The following SH3KBP1 variants were observed in gnomAD, a reference collection of about 807,000 sequenced individuals.
SH3KBP1 encodes SH3 domain containing kinase binding protein 1, also known as SH3 domain-containing kinase-binding protein 1.
Under a neutral mutation model 50.1 loss-of-function variants are expected in SH3KBP1, and 8 were observed. That is an observed-to-expected ratio of 0.16 (90% CI 0.09 to 0.29). SH3KBP1 has a LOEUF of 0.29. SH3KBP1 is among the 10% of genes least tolerant of loss of function. The pLI, the probability that SH3KBP1 is intolerant of heterozygous loss-of-function variation, is 1.00. For missense variants in SH3KBP1, 377 were observed against 535.2 expected (o/e 0.70, Z 2.92); for synonymous variants, 227 against 218.6 (o/e 1.04, Z -0.34).
intron 2 of SH3KBP1, among the ~76,000 whole-genome samples, chrX:19,833,932 C>A (rs1024609540): frequency 9.0e-6 from 1 of 111,614 alleles, no homozygotes; most frequent in African/African-American, 3.3e-5. Context: ...CTGTGGTGGC[C>A]CAGATGCAGC....
chrX:19,569,699 G>T (rs2065949326), intron 12 of SH3KBP1, among the ~76,000 whole-genome samples: 1 of 111,944 alleles, frequency 8.9e-6, no homozygotes, highest in African/African-American at 3.2e-5. Context: ...CCTGAATGCT[G>T]GTGCTGGGGC....
intron 12 of SH3KBP1, among the ~76,000 whole-genome samples, chrX:19,576,412 T>C (rs1214987625): frequency 9.0e-6 from 1 of 110,513 alleles, no homozygotes; most frequent in African/African-American, 3.3e-5. Flanking sequence ...ATGCCTACCA[T>C]GTGCCAGGCA....
At position 19,706,978 on chromosome X, in the gene SH3KBP1, C is replaced by T. The variant is rs1454981152; in HGVS notation, c.293G>A (p.Arg98Gln). ...TILRTNKRGE[R>Q]RRRRCQVAFS... ...TGCCACCTGGCACCGGCGCCTCCGT[C>T]GCTCGCCTGGATGGGAAAAGCAAAA... Residue 98 changes from arginine to glutamine, a missense_variant, in exon 4 of 18, where the codon CGA becomes CAA. Physicochemically the swap from Arg to Gln is conservative, Grantham distance 43. This residue lies in a region of SH3KBP1 where 257 missense variants were observed against 374.2 expected (regional missense o/e 0.69). Coordinates refer to ENST00000397821, the MANE Select transcript of SH3KBP1 (RefSeq NM_031892.3). 4.1e-6 allele frequency: 5 copies of T among 1,207,477 alleles called. No individual in the cohort carries two copies. The highest frequency in any genetic ancestry group is 3.0e-5 in the East Asian group (1 of 33,818).
At chrX:19,698,404 C>T (rs747296446) in intron 4 of SH3KBP1, among the ~76,000 whole-genome samples, 14 of 112,304 alleles carry the variant, frequency 1.2e-4, no homozygotes, top group African/African-American at 4.5e-4. Flanking sequence ...AGGCTGTCTG[C>T]TGGGAAAACA....
intron 1 of SH3KBP1, among the ~76,000 whole-genome samples, chrX:19,856,430 C>T (rs2068644554): frequency 9.0e-6 from 1 of 111,502 alleles, no homozygotes; most frequent in South Asian, 3.7e-4. Context: ...AAATGATAAA[C>T]GGGCCTCAGA....
chrX:19,666,155 C>T (rs1220878983), intron 6 of SH3KBP1, among the ~76,000 whole-genome samples: 5 of 107,527 alleles, frequency 4.6e-5, no homozygotes, highest in African/African-American at 6.7e-5. Context: ...TCATTTTCTA[C>T]CCCTAAGGAA....
intron 2 of SH3KBP1, among the ~76,000 whole-genome samples, chrX:19,788,118 T>C (rs917115314): frequency 9.2e-6 from 1 of 109,234 alleles, no homozygotes; most frequent in Non-Finnish European, 1.9e-5. Context: ...AAAGGAGAAC[T>C]TTGGGATGGG....
At chrX:19,816,372 T>G (rs1295152788) in intron 2 of SH3KBP1, among the ~76,000 whole-genome samples, 1 of 112,433 alleles carries the variant, frequency 8.9e-6, no homozygotes, top group Non-Finnish European at 1.9e-5. Context: ...GGTTTCTTAC[T>G]GTTGCATTTT....
chrX:19,628,149 C>G (rs1226508912), intron 8 of SH3KBP1, among the ~76,000 whole-genome samples: 2 of 112,116 alleles, frequency 1.8e-5, no homozygotes, highest in Non-Finnish European at 3.8e-5. Flanking sequence ...TTTCCAAATT[C>G]TTGCTAAAAT....
chrX:19,801,618 G>A (rs2066894619), intron 2 of SH3KBP1, among the ~76,000 whole-genome samples: 1 of 112,085 alleles, frequency 8.9e-6, no homozygotes, highest in South Asian at 3.7e-4. Context: ...GAAATGGAGA[G>A]TGACTGCAAA....
At position 19,556,290 on chromosome X, in the gene SH3KBP1, CT is replaced by C. The variant is rs1282317752; in HGVS notation, c.1385-6208del. On this transcript the variant is annotated intron_variant, in intron 13 of 17. Transcript: ENST00000397821. ...AGGCTAGAAATCCCCCCTCCCCTAC[CT>C]TTTTTTTTTTTTCCAAGGTCTAAGA... Among the ~76,000 whole-genome samples the C allele has an allele frequency of 3.2e-3, 333 of 104,160 alleles. 1 individual carries two copies. The highest frequency in any genetic ancestry group is 9.6e-3 in the Middle Eastern group (2 of 208). The allele number at this position is 104,160 out of a possible 115,157, so 90.5% of individuals were successfully genotyped here. A position where few individuals can be genotyped will look rare whatever the true frequency, so the allele number is the denominator to read the frequency against.
intron 6 of SH3KBP1, among the ~76,000 whole-genome samples, chrX:19,648,414 A>G (rs977115540): frequency 7.3e-5 from 7 of 95,844 alleles, no homozygotes; most frequent in Admixed American, 2.2e-4. Flanking sequence ...AGTTAGAAAG[A>G]TGAAGGAAGG....
intron 5 of SH3KBP1, among the ~76,000 whole-genome samples, chrX:19,687,265 G>A (rs2063187425): frequency 8.9e-6 from 1 of 112,692 alleles, no homozygotes; most frequent in African/African-American, 3.2e-5. Context: ...TGACATCTCT[G>A]CAGGAAGCCA....
At chrX:19,744,854 T>A (rs1316284757) in intron 3 of SH3KBP1, among the ~76,000 whole-genome samples, 2 of 112,759 alleles carry the variant, frequency 1.8e-5, no homozygotes, top group African/African-American at 6.4e-5. Context: ...TCCAAATAGT[T>A]ACCTCAATTC....
chrX:19,868,944 G>C (rs2076541847), intron 1 of SH3KBP1, among the ~76,000 whole-genome samples: 1 of 110,233 alleles, frequency 9.1e-6, no homozygotes, highest in Admixed American at 9.7e-5. Context: ...ATTTGATTAA[G>C]GATCTTGACA....
intron 15 of SH3KBP1, among the ~76,000 whole-genome samples, chrX:19,542,695 G>A (rs1027089271): frequency 3.3e-4 from 37 of 111,940 alleles, no homozygotes; most frequent in African/African-American, 1.0e-3. Flanking sequence ...TGACAGTCCC[G>A]TCTTGGAGGA....
chrX:19,702,666 A>C (rs1445457773), intron 4 of SH3KBP1, among the ~76,000 whole-genome samples: 3 of 111,254 alleles, frequency 2.7e-5, no homozygotes, highest in Non-Finnish European at 5.7e-5. Context: ...TAAAAAAAAA[A>C]CAAAAAACAA....
intron 12 of SH3KBP1, among the ~76,000 whole-genome samples, chrX:19,584,464 A>G (rs5909319): frequency 0.31 from 32,996 of 105,546 alleles, 5,336 homozygotes; most frequent in African/African-American, 0.61. Flanking sequence ...TGAGTAGCTG[A>G]GACTACAGAT....
chrX:19,650,693 G>A (rs1267169706), intron 6 of SH3KBP1, among the ~76,000 whole-genome samples: 1 of 112,445 alleles, frequency 8.9e-6, no homozygotes. Flanking sequence ...TACAACACTG[G>A]TATCTGAGAG....
Sources: gnomAD v4.1 joint callset for allele counts (sites outside exome capture counted in the v4.1 genomes callset) on GRCh38, gnomAD v4.1.1 for gene constraint, gnomAD v4.1.1 regional missense constraint, MANE v1.5 for transcripts, NCBI Gene and HGNC (gene_info 2026-07-23, HGNC 2026-07-21) for gene names.